The following CC2D2A variants were observed in gnomAD, a reference collection of about 807,000 sequenced individuals.
CC2D2A encodes the protein coiled-coil and C2 domain containing 2A.
Under a neutral mutation model 212.9 loss-of-function variants are expected in CC2D2A, and 155 were observed. The observed-to-expected ratio is 0.73, with a 90% CI of 0.64 to 0.83. The LOEUF (loss-of-function observed/expected upper bound fraction) is 0.83. Among genes scored for constraint, CC2D2A ranks in the 40% least tolerant of loss-of-function variants. CC2D2A has a pLI of 0.00. For missense variants in CC2D2A, 1,856 were observed against 1,956.2 expected (o/e 0.95, Z 0.97); for synonymous variants, 667 against 686.5 (o/e 0.97, Z 0.44).
At chr4:15,588,326 C>T (rs1287276614) in intron 32 of CC2D2A, among the ~76,000 whole-genome samples, 1 of 152,160 alleles carries the variant, frequency 6.6e-6, no homozygotes, top group East Asian at 1.9e-4. Context: ...TCTCTCCTTT[C>T]ATGCCTACTG....
chr4:15,577,886 T>A (rs1193190413), intron 29 of CC2D2A, among the ~76,000 whole-genome samples: 1 of 152,240 alleles, frequency 6.6e-6, no homozygotes, highest in Admixed American at 6.5e-5. Context: ...TTTTGGAGGA[T>A]TCTTCCATAC....
intron 33 of CC2D2A, among the ~76,000 whole-genome samples, chr4:15,593,646 T>G (rs1416205195): frequency 1.3e-5 from 2 of 152,164 alleles, no homozygotes; most frequent in Non-Finnish European, 2.9e-5. Context: ...AAATGTCAAT[T>G]TCATCAGTCG....
intron 16 of CC2D2A, 105 bp downstream of exon 16, chr4:15,538,242 C>A: frequency 1.7e-6 from 2 of 1,192,542 alleles, no homozygotes; most frequent in Non-Finnish European, 2.3e-6. Flanking sequence ...CACTTACTGA[C>A]CTACACGAGC....
chr4:15,505,927 T>G (rs1716230427), intron 6 of CC2D2A, among the ~76,000 whole-genome samples: 1 of 152,136 alleles, frequency 6.6e-6, no homozygotes, highest in South Asian at 2.1e-4. Context: ...TAGATTATGG[T>G]TTAAAGAGAG....
intron 6 of CC2D2A, among the ~76,000 whole-genome samples, chr4:15,508,854 A>G (rs189122828): frequency 3.9e-5 from 6 of 152,338 alleles, no homozygotes; most frequent in Non-Finnish European, 7.4e-5. Flanking sequence ...TGTCATAGGT[A>G]GAATAAGTAT....
chr4:15,574,359 T>C, intron 29 of CC2D2A, 33 bp downstream of exon 29: 1 of 1,490,240 alleles, frequency 6.7e-7, no homozygotes, highest in Non-Finnish European at 9.0e-7. Context: ...CCCATGTCTA[T>C]GTTGATAAAA....
At chr4:15,510,083 C>A in intron 6 of CC2D2A, 56 bp from the exon 7 acceptor site, 3 of 1,331,708 alleles carry the variant, frequency 2.3e-6, no homozygotes, top group Middle Eastern at 1.8e-4. Flanking sequence ...CATTTTAGAA[C>A]AGCCTAAGTT....
At chr4:15,548,301 G>C (rs897806808) in intron 17 of CC2D2A, among the ~76,000 whole-genome samples, 1 of 152,048 alleles carries the variant, frequency 6.6e-6, no homozygotes, top group Non-Finnish European at 1.5e-5. Context: ...CTAGGCACCA[G>C]CTAGGAATGT....
At chr4:15,585,753 A>G (rs528571085) in intron 30 of CC2D2A, among the ~76,000 whole-genome samples, 2 of 152,358 alleles carry the variant, frequency 1.3e-5, no homozygotes, top group East Asian at 3.9e-4. Flanking sequence ...TTGGTTCCCA[A>G]GTACTATTGG....
chr4:15,496,980 CAT>C (rs1448601096), intron 4 of CC2D2A, among the ~76,000 whole-genome samples: 1 of 152,188 alleles, frequency 6.6e-6, no homozygotes, highest in Non-Finnish European at 1.5e-5. Flanking sequence ...TTAGGTTGGA[CAT>C]ACTGCTCAAG....
intron 3 of CC2D2A, chr4:15,479,400 C>T: frequency 8.2e-7 from 1 of 1,216,814 alleles, no homozygotes; most frequent in Non-Finnish European, 1.2e-6. Flanking sequence ...GGGAGCTCTG[C>T]TTGGAACAAT....
At position 15,594,251 on chromosome 4, in the gene CC2D2A, G is replaced by T. The variant is rs146401485; in HGVS notation, c.4315-1834G>T. ...TTTCTGATGAAAAGTGATTTTTCCA[G>T]TTAGAACTTCCCTGCCTGCCTTAAA... On this transcript the variant is annotated intron_variant, in intron 33 of 36. Coordinates refer to ENST00000424120, the MANE Select transcript of CC2D2A (RefSeq NM_001378615.1). Among the ~76,000 whole-genome samples, 9 of 152,164 alleles carry T rather than the reference G, an allele frequency of 5.9e-5. No individual in the cohort carries two copies. In the East Asian group the frequency reaches 1.7e-3, roughly 29 times the overall value.
chr4:15,516,456 G>A (rs1469158089), intron 10 of CC2D2A, among the ~76,000 whole-genome samples, 169 bp from the exon 11 acceptor site: 1 of 152,152 alleles, frequency 6.6e-6, no homozygotes, highest in African/African-American at 2.4e-5. Flanking sequence ...AGAAGTGTTA[G>A]TGAAGACTTG....
Position 15,596,217 on chromosome 4 carries a change from T to A in CC2D2A, c.4437+10T>A, listed in dbSNP as rs1464769341. On this transcript the variant is annotated intron_variant, in intron 34 of 36. Transcript: ENST00000424120. Reference sequence around the variant, plus strand: ...CCTTTCCAGTGTTCAGGTATAAATCTTTTATTAACAGTTAAATGTAGACAA... The same window carrying A: ...CCTTTCCAGTGTTCAGGTATAAATCATTTATTAACAGTTAAATGTAGACAA... The A allele has an allele frequency of 1.3e-6, 2 of 1,501,048 alleles. No homozygotes were observed. The highest frequency in any genetic ancestry group is 2.8e-5 in the African/African-American group (2 of 70,580). 93.0% of individuals were successfully genotyped at this position (1,501,048 alleles called of 1,614,324 possible).
chr4:15,472,877 T>G (rs1713931444), intron 1 of CC2D2A, among the ~76,000 whole-genome samples: 1 of 152,234 alleles, frequency 6.6e-6, no homozygotes, highest in Admixed American at 6.5e-5. Flanking sequence ...TTTAACATGC[T>G]AATTCCCCTG....
intron 34 of CC2D2A, 22 bp downstream of exon 34, chr4:15,596,229 T>C (rs1257332272): frequency 6.7e-7 from 1 of 1,491,188 alleles, no homozygotes. Context: ...TTATTAACAG[T>C]TAAATGTAGA....
intron 6 of CC2D2A, among the ~76,000 whole-genome samples, chr4:15,508,712 G>A (rs748957614): frequency 1.3e-5 from 2 of 152,202 alleles, no homozygotes; most frequent in African/African-American, 2.4e-5. Context: ...GTGGTCTTGA[G>A]GAACAGGTAG....
Position 15,498,535 on chromosome 4 carries a change from A to T in CC2D2A, c.248-3894A>T, listed in dbSNP as rs139350791. Among the ~76,000 whole-genome samples, 172 of 152,332 alleles carry T rather than the reference A, an allele frequency of 1.1e-3. 2 individuals are homozygous for T. The Middle Eastern group carries it at 0.02, about 18-fold the overall frequency. ...TCAGTTCTCACCCTCAGGGCTTGAA[A>T]GGGAGAGCCAGTTCGAGATCATGCA... On this transcript the variant is annotated intron_variant, in intron 4 of 36. Coordinates refer to ENST00000424120, the MANE Select transcript of CC2D2A (RefSeq NM_001378615.1).
At chr4:15,545,924 C>T (rs1718686445) in intron 17 of CC2D2A, among the ~76,000 whole-genome samples, 2 of 152,032 alleles carry the variant, frequency 1.3e-5, no homozygotes, top group African/African-American at 4.8e-5. Flanking sequence ...CCCTGTGCAA[C>T]CTAGCGAGAC....
Sources: allele counts gnomAD v4.1 joint callset (sites outside exome capture counted in the v4.1 genomes callset), GRCh38; gene constraint gnomAD v4.1.1; transcripts MANE v1.5; gene names NCBI Gene and HGNC (gene_info 2026-07-23, HGNC 2026-07-21).